GRM8: variants seen among roughly 807,000 people sequenced by gnomAD.
GRM8 encodes the protein metabotropic glutamate receptor 8.
GRM8 carries 47 observed loss-of-function variants against 87.2 expected under a neutral mutation model. The ratio of observed to expected loss-of-function variants is 0.54; its 90% CI spans 0.43 to 0.69. The LOEUF is 0.69. Ranked by LOEUF, GRM8 falls within the 30% of genes least tolerant of loss-of-function variation. GRM8 has a pLI of 0.00. For synonymous variants in GRM8, 396 were observed against 404.5 expected (o/e 0.98, Z 0.25); for missense variants, 1,019 against 1,139.2 (o/e 0.89, Z 1.52).
intron 7 of GRM8, among the ~76,000 whole-genome samples, chr7:126,711,381 C>T (rs1201530735): frequency 6.6e-6 from 1 of 152,108 alleles, no homozygotes; most frequent in Non-Finnish European, 1.5e-5. Flanking sequence ...CTTTTCTGAG[C>T]AGTAGGTCTC....
At chr7:126,541,746 A>T (rs985243519) in intron 8 of GRM8, among the ~76,000 whole-genome samples, 1 of 152,246 alleles carries the variant, frequency 6.6e-6, no homozygotes, top group Non-Finnish European at 1.5e-5. Context: ...GATACAGATT[A>T]TCAGGTACAA....
chr7:126,740,609 T>A (rs17150207), intron 7 of GRM8, among the ~76,000 whole-genome samples: 1 of 152,118 alleles, frequency 6.6e-6, no homozygotes, highest in Non-Finnish European at 1.5e-5. Context: ...TTCCCTGACC[T>A]TGAACAAATC....
chr7:127,192,061 T>C (rs1284012449), intron 2 of GRM8, among the ~76,000 whole-genome samples: 1 of 152,092 alleles, frequency 6.6e-6, no homozygotes, highest in Non-Finnish European at 1.5e-5. Context: ...TAAAATGGTG[T>C]TTAACAACTG....
chr7:127,122,701 T>C (rs1015728817), intron 2 of GRM8, among the ~76,000 whole-genome samples: 4 of 152,108 alleles, frequency 2.6e-5, no homozygotes, highest in Non-Finnish European at 4.4e-5. Flanking sequence ...GTAGACATTT[T>C]CTTTTGTAAA....
chr7:126,935,475 T>C lies in GRM8; in HGVS notation c.728-30792A>G, dbSNP rs78422085. On this transcript the variant is annotated intron_variant, in intron 3 of 10. Transcript: ENST00000339582. ...AACACCTAGGCAGGATGGCAGCAAC[T>C]AAAGCTCACAAAACACTAGAAAAGT... is the stretch of plus-strand genomic sequence containing the variant. Among the ~76,000 whole-genome samples the C allele has an allele frequency of 6.3e-3, 966 of 152,268 alleles. 12 individuals are homozygous for C. The highest frequency in any genetic ancestry group is 0.022 in the African/African-American group (909 of 41,564).
At chr7:126,945,468 T>C (rs17866899) in intron 3 of GRM8, among the ~76,000 whole-genome samples, 3,993 of 152,252 alleles carry the variant, frequency 0.026, 169 homozygotes, top group African/African-American at 0.09. Flanking sequence ...GTGTCACAAG[T>C]AGAAAATTCC....
intron 8 of GRM8, among the ~76,000 whole-genome samples, chr7:126,605,506 C>G (rs560464750): frequency 6.6e-6 from 1 of 152,210 alleles, no homozygotes; most frequent in Non-Finnish European, 1.5e-5. Context: ...AAAGAATAAT[C>G]TACTTATTTA....
intron 7 of GRM8, among the ~76,000 whole-genome samples, chr7:126,734,309 C>T (rs1407522778): frequency 1.3e-5 from 2 of 151,712 alleles, no homozygotes; most frequent in African/African-American, 4.8e-5. Flanking sequence ...TGTTCAAAAA[C>T]AAAGCCAGCA....
At chr7:126,852,821 T>G (rs1026994612) in intron 6 of GRM8, among the ~76,000 whole-genome samples, 5 of 152,150 alleles carry the variant, frequency 3.3e-5, no homozygotes, top group African/African-American at 9.6e-5. Flanking sequence ...TTCATATATT[T>G]GTATGCTTAA....
chr7:126,596,076 A>G (rs1294490401), intron 8 of GRM8, among the ~76,000 whole-genome samples: 2 of 152,214 alleles, frequency 1.3e-5, no homozygotes, highest in Non-Finnish European at 2.9e-5. Context: ...GTGAGCTGAG[A>G]TAGCACCACT....
chr7:127,018,714 A>C (rs1815959566), intron 3 of GRM8, among the ~76,000 whole-genome samples: 1 of 151,896 alleles, frequency 6.6e-6, no homozygotes, highest in Non-Finnish European at 1.5e-5. Context: ...TTGCTTTCCC[A>C]ATGGTAACAC....
chr7:126,749,947 A>G (rs986472781), intron 7 of GRM8, among the ~76,000 whole-genome samples: 4 of 152,206 alleles, frequency 2.6e-5, no homozygotes, highest in African/African-American at 9.6e-5. Flanking sequence ...TCGTACAGTT[A>G]AATGTCTTCT....
intron 6 of GRM8, among the ~76,000 whole-genome samples, chr7:126,772,154 C>T (rs1818915641): frequency 6.6e-6 from 1 of 152,102 alleles, no homozygotes; most frequent in Admixed American, 6.6e-5. Flanking sequence ...AGATTCTAGT[C>T]TGGTAACTAT....
At chr7:127,014,948 AGAGAG>A (rs1364845531) in intron 3 of GRM8, among the ~76,000 whole-genome samples, 2 of 142,966 alleles carry the variant, frequency 1.4e-5, no homozygotes, top group East Asian at 2.1e-4. Context: ...AGAGAGAAAG[AGAGAG>A]AGAAGAAGAA....
chr7:126,835,776 CA>C (rs1795782031), intron 6 of GRM8, among the ~76,000 whole-genome samples: 1 of 152,176 alleles, frequency 6.6e-6, no homozygotes, highest in African/African-American at 2.4e-5. Context: ...TCCTGTCTCT[CA>C]AAAACTTTAG....
In GRM8 at chr7:126,852,013, G is replaced by C. The variant is rs139529298; in HGVS notation, c.1156+50529C>G. 1.9e-3 allele frequency among the ~76,000 whole-genome samples: 283 copies of C among 152,302 alleles called. 2 individuals carry two copies. Among genetic ancestry groups the C allele is most frequent in the African/African-American group, 6.6e-3 (276 of 41,572 alleles). Reference sequence around the variant, plus strand: ...AGAGAGTAGATACTGAGACTGAGGAGGATGGCTGCCTGGCAGAGCAGTCTG... The same window carrying C: ...AGAGAGTAGATACTGAGACTGAGGACGATGGCTGCCTGGCAGAGCAGTCTG... On this transcript the variant is annotated intron_variant, in intron 6 of 10. Coordinates refer to ENST00000339582, the MANE Select transcript of GRM8 (RefSeq NM_000845.3).
At chr7:126,803,760 T>C (rs1792351277) in intron 6 of GRM8, among the ~76,000 whole-genome samples, 1 of 152,244 alleles carries the variant, frequency 6.6e-6, no homozygotes, top group African/African-American at 2.4e-5. Context: ...GCCATGAATT[T>C]AAGTTGTTCA....
Position 126,533,427 on chromosome 7 carries a change from C to A in GRM8, c.1955G>T (p.Arg652Leu). The change falls in exon 9 of 11, where the codon CGG becomes CTG. Residue 652 changes from arginine to leucine, a missense_variant. Transcript: ENST00000339582. ...ACACATGCCAAGTCCTAGGAAGACC[C>A]GTCGGAAGGAGCATATGATTGTATC... is the stretch of plus-strand genomic sequence containing the variant. ...APDTIICSFRRVFLGLGMCFS... is the reference protein window; with the variant it reads ...APDTIICSFRLVFLGLGMCFS... 6.2e-7 allele frequency: 1 copy of A among 1,613,862 alleles called. No homozygotes were observed. Among genetic ancestry groups the A allele is most frequent in the Non-Finnish European group, 8.5e-7 (1 of 1,179,928 alleles).
At chr7:126,733,952 T>C (rs10275020) in intron 7 of GRM8, among the ~76,000 whole-genome samples, 117,516 of 151,828 alleles carry the variant, frequency 0.77, 46,317 homozygotes, top group East Asian at 0.83. Context: ...GAAATTCCAC[T>C]GGAAGCAGTT....
Sources: gnomAD v4.1 joint callset for allele counts (sites outside exome capture counted in the v4.1 genomes callset) on GRCh38, gnomAD v4.1.1 for gene constraint, MANE v1.5 for transcripts, NCBI Gene and HGNC (gene_info 2026-07-23, HGNC 2026-07-21) for gene names.